PPP2R5E: variants seen among roughly 807,000 people sequenced by gnomAD.
The protein encoded by PPP2R5E is serine/threonine-protein phosphatase 2A 56 kDa regulatory subunit epsilon isoform.
Under a neutral mutation model 65.3 loss-of-function variants are expected in PPP2R5E, and 4 were observed. The observed-to-expected ratio is 0.06, with a 90% CI of 0.03 to 0.14. The LOEUF (loss-of-function observed/expected upper bound fraction) is 0.14. PPP2R5E is among the 10% of genes least tolerant of loss of function. PPP2R5E has a pLI of 1.00. For synonymous variants in PPP2R5E, 183 were observed against 187.4 expected, an observed-to-expected ratio of 0.98 and a Z score of 0.19; for missense variants, 274 against 556.1, an observed-to-expected ratio of 0.49 and a Z score of 5.10.
At position 63,372,429 on chromosome 14, in the gene PPP2R5E, A is replaced by G. The variant is rs1883736073; in HGVS notation, c.*3580T>C. 1 of 152,186 alleles carries G rather than the reference A, an allele frequency of 6.6e-6. No individual in the cohort carries two copies. Among genetic ancestry groups the G allele is most frequent in the Non-Finnish European group, 1.5e-5 (1 of 68,014 alleles). 9.4% of individuals were successfully genotyped at this position (152,186 alleles called of 1,614,324 possible). ...AATAAAAATATTGATGTGCAAATAA[A>G]ACATCAGTGATCATGTCTGGTGCCA... On this transcript the variant is annotated 3_prime_UTR_variant, in exon 14 of 14. Coordinates refer to ENST00000337537, the MANE Select transcript of PPP2R5E (RefSeq NM_006246.5).
At chr14:63,441,561 G>A (rs1888237776) in intron 3 of PPP2R5E, among the ~76,000 whole-genome samples, 2 of 152,178 alleles carry the variant, frequency 1.3e-5, no homozygotes, top group Non-Finnish European at 2.9e-5. Context: ...AACCATTTTT[G>A]AGTCACATGT....
At chr14:63,522,501 A>G (rs529712048) in intron 2 of PPP2R5E, among the ~76,000 whole-genome samples, 1 of 125,754 alleles carries the variant, frequency 8.0e-6, no homozygotes, top group African/African-American at 3.1e-5. Context: ...GAAGTGAGAA[A>G]CGCCTCTTCC....
At chr14:63,431,676 C>T (rs1240478673) in intron 3 of PPP2R5E, among the ~76,000 whole-genome samples, 1 of 152,130 alleles carries the variant, frequency 6.6e-6, no homozygotes, top group African/African-American at 2.4e-5. Context: ...ATTCACTGAA[C>T]CAATGACAGG....
chr14:63,389,043 G>A (rs546897201), intron 11 of PPP2R5E, among the ~76,000 whole-genome samples: 3 of 152,168 alleles, frequency 2.0e-5, no homozygotes, highest in Non-Finnish European at 4.4e-5. Flanking sequence ...GAAGGTCACC[G>A]GCTTTAGCAA....
Position 63,503,078 on chromosome 14 carries a change from G to A in PPP2R5E, c.157+36451C>T, listed in dbSNP as rs74410954. ...ACCAGTAAAGCAGTGCAATATACAG[G>A]AATGGTCCAATGAGCAATACAGACC... On this transcript the variant is annotated intron_variant, in intron 2 of 13. Transcript: ENST00000337537. Among the ~76,000 whole-genome samples, 1,001 of 152,262 alleles carry A rather than the reference G, an allele frequency of 6.6e-3. 10 individuals carry two copies. Among genetic ancestry groups the A allele is most frequent in the African/African-American group, 0.023 (969 of 41,540 alleles).
chr14:63,431,411 TATGTA>T (rs1339922537), intron 3 of PPP2R5E, among the ~76,000 whole-genome samples: 1 of 152,240 alleles, frequency 6.6e-6, no homozygotes, highest in African/African-American at 2.4e-5. Context: ...CTGTATTTGC[TATGTA>T]ATGTCATCAA....
intron 8 of PPP2R5E, 42 bp from the exon 9 acceptor site, chr14:63,392,067 T>C: frequency 6.7e-7 from 1 of 1,492,340 alleles, no homozygotes. Context: ...TTAAATTCTA[T>C]ACAGTAAGGG....
intron 10 of PPP2R5E, among the ~76,000 whole-genome samples, chr14:63,390,515 A>G (rs1345477940): frequency 6.6e-6 from 1 of 152,220 alleles, no homozygotes; most frequent in Non-Finnish European, 1.5e-5. Context: ...AAAAATAATT[A>G]CTTTGAAAAA....
At position 63,397,984 on chromosome 14, in the gene PPP2R5E, C is replaced by T. The variant is rs866068239; in HGVS notation, c.550-1268G>A. 3.9e-5 allele frequency among the ~76,000 whole-genome samples: 6 copies of T among 152,274 alleles called. No individual in the cohort carries two copies. In the Middle Eastern group the frequency reaches 0.01, roughly 259 times the overall value. ...ACTCAGGTGATCCACCCACCTCAGC[C>T]TCCCAAAGTGCTGGGATTAGAGGTG... On this transcript the variant is annotated intron_variant, in intron 5 of 13. Transcript: ENST00000337537.
At chr14:63,426,557 C>T (rs1887343959) in intron 3 of PPP2R5E, among the ~76,000 whole-genome samples, 2 of 151,896 alleles carry the variant, frequency 1.3e-5, no homozygotes, top group Admixed American at 1.3e-4. Flanking sequence ...TAAACACAGT[C>T]CTAAAGCATA....
chr14:63,520,985 G>A (rs1892885169), intron 2 of PPP2R5E, among the ~76,000 whole-genome samples: 2 of 151,634 alleles, frequency 1.3e-5, no homozygotes, highest in African/African-American at 4.8e-5. Flanking sequence ...CTTGCAGTGA[G>A]CCAAGATCGC....
chr14:63,386,492 G>A (rs1326832448), intron 11 of PPP2R5E, among the ~76,000 whole-genome samples: 8 of 152,122 alleles, frequency 5.3e-5, no homozygotes, highest in Admixed American at 5.2e-4. Flanking sequence ...GTGGGAGAAG[G>A]GGCATCTACA....
rs145753584 is a variant in PPP2R5E, at chr14:63,506,367, C to T, written c.157+33162G>A. Among the ~76,000 whole-genome samples, 219 of 152,220 alleles carry T rather than the reference C, an allele frequency of 1.4e-3. 8 individuals carry two copies. In the East Asian group the frequency reaches 0.04, roughly 28 times the overall value. The stretch of plus-strand genomic sequence containing the variant: ...TCAGGAGGCTGAGGCAGGAGAATGG[C>T]GTGAACCCGGGAGGCGGACCTTGCA... On this transcript the variant is annotated intron_variant, in intron 2 of 13. Transcript: ENST00000337537.
chr14:63,483,845 G>A (rs1329653311), intron 2 of PPP2R5E, among the ~76,000 whole-genome samples: 5 of 152,188 alleles, frequency 3.3e-5, no homozygotes, highest in Non-Finnish European at 7.4e-5. Flanking sequence ...AGCACTTTGG[G>A]AGGCCGAGGC....
intron 2 of PPP2R5E, among the ~76,000 whole-genome samples, chr14:63,463,130 TTTTTTG>T (rs148481326): frequency 0.31 from 44,695 of 143,752 alleles, 9,564 homozygotes; most frequent in African/African-American, 0.61. Context: ...CTAAGATGGT[TTTTTTG>T]TTTTTGTTTT....
chr14:63,412,448 C>CT (rs1886442590), intron 5 of PPP2R5E, among the ~76,000 whole-genome samples: 1 of 152,234 alleles, frequency 6.6e-6, no homozygotes, highest in Non-Finnish European at 1.5e-5. Context: ...AAAGCCAACT[C>CT]TAAGCCGCAC....
intron 3 of PPP2R5E, among the ~76,000 whole-genome samples, chr14:63,442,093 C>A (rs771697866): frequency 6.6e-6 from 1 of 152,070 alleles, no homozygotes; most frequent in Non-Finnish European, 1.5e-5. Flanking sequence ...AGTTTCCCTA[C>A]CCTTTGAAAA....
intron 3 of PPP2R5E, among the ~76,000 whole-genome samples, chr14:63,446,678 A>T (rs1262222793): frequency 6.6e-6 from 1 of 151,842 alleles, no homozygotes; most frequent in Non-Finnish European, 1.5e-5. Context: ...AAATACAAAA[A>T]ATTATCTGGG....
chr14:63,447,676 C>T (rs2139454906), intron 3 of PPP2R5E, among the ~76,000 whole-genome samples: 1 of 152,332 alleles, frequency 6.6e-6, no homozygotes, highest in South Asian at 2.1e-4. Flanking sequence ...TTTAAATTCA[C>T]AACTTGTCTA....
Sources: allele counts gnomAD v4.1 joint callset (sites outside exome capture counted in the v4.1 genomes callset), GRCh38; gene constraint gnomAD v4.1.1; transcripts MANE v1.5; gene names NCBI Gene and HGNC (gene_info 2026-07-23, HGNC 2026-07-21).